TTC34: variants seen among roughly 807,000 people sequenced by gnomAD.
The protein encoded by TTC34 is tetratricopeptide repeat protein 34.
Under a neutral mutation model 40.7 loss-of-function variants are expected in TTC34, and 44 were observed. The observed-to-expected ratio is 1.08, with a 90% CI of 0.85 to 1.39. The LOEUF is 1.39. Among genes scored for constraint, TTC34 ranks in the 40% most tolerant of loss-of-function variants. TTC34 has a pLI of 0.00. For synonymous variants in TTC34, 422 were observed against 398.6 expected, an observed-to-expected ratio of 1.06 and a Z score of -0.70; for missense variants, 884 against 838.0, an observed-to-expected ratio of 1.05 and a Z score of -0.68.
At chr1:2,797,170 C>T (rs948867431) in intron 2 of TTC34, among the ~76,000 whole-genome samples, 1 of 152,228 alleles carries the variant, frequency 6.6e-6, no homozygotes, top group African/African-American at 2.4e-5. Context: ...CCCCGTGTCT[C>T]ATGGGGATGG....
intron 6 of TTC34, among the ~76,000 whole-genome samples, chr1:2,753,759 C>A (rs1410962596): frequency 9.4e-6 from 1 of 105,960 alleles, no homozygotes; most frequent in African/African-American, 5.3e-5. Context: ...CATCTGACAG[C>A]CTGGAACGGC....
chr1:2,645,210 T>A lies in TTC34; in HGVS notation c.2497+83A>T. 7.4e-7 allele frequency: 1 copy of A among 1,353,434 alleles called. No individual in the cohort carries two copies. The highest frequency in any genetic ancestry group is 9.5e-7 in the Non-Finnish European group (1 of 1,050,718). The allele number at this position is 1,353,434 out of a possible 1,614,324, so 83.8% of individuals were successfully genotyped here. Reference sequence around the variant, plus strand: ...TGTGGTCCGGGTCTCTTTCTTCCATTTTTACAGAACAGGATACAGAGGTCA... The same window carrying A: ...TGTGGTCCGGGTCTCTTTCTTCCATATTTACAGAACAGGATACAGAGGTCA... On this transcript the variant is annotated intron_variant, in intron 7 of 8. Coordinates refer to ENST00000401095, the Ensembl canonical transcript of TTC34. This position sits in a 1 kb window ranked among gnomAD's most constrained non-coding sequence, Gnocchi z 4.7.
rs545646675 is a variant in TTC34, at chr1:2,688,611, C to T, written c.2227-43048G>A. Among the ~76,000 whole-genome samples the T allele has an allele frequency of 3.6e-4, 50 of 139,910 alleles. No homozygotes were observed. In the East Asian group the frequency reaches 8.5e-3, roughly 24 times the overall value. 91.8% of individuals were successfully genotyped at this position (139,910 alleles called of 152,430 possible). ...CGACAGCCTGGAGCAGCACCCACACCCCCAGGTGCGCATCTGATGGTCTGG... is the reference window on the plus strand; with the variant it reads ...CGACAGCCTGGAGCAGCACCCACACTCCCAGGTGCGCATCTGATGGTCTGG... On this transcript the variant is annotated intron_variant, in intron 6 of 8. Coordinates refer to ENST00000401095, the Ensembl canonical transcript of TTC34.
At chr1:2,799,124 GGCCTCCCA>G (rs1465155422) in intron 2 of TTC34, among the ~76,000 whole-genome samples, 8 of 69,122 alleles carry the variant, frequency 1.2e-4, no homozygotes, top group South Asian at 5.4e-4. Flanking sequence ...CCGGCCTCCC[GGCCTCCCA>G]GCCTCCCAGC....
At chr1:2,683,553 C>CAGCCTGGAA (rs1640178836) in intron 6 of TTC34, among the ~76,000 whole-genome samples, 1 of 90,640 alleles carries the variant, frequency 1.1e-5, no homozygotes, top group Non-Finnish European at 2.4e-5. Context: ...GCACCCACAA[C>CAGCCTGGAA]CACAGGTGAG....
chr1:2,787,540 C>G (rs1456040415), exon 4 of TTC34: 12 of 1,539,160 alleles, frequency 7.8e-6, no homozygotes, highest in Non-Finnish European at 1.1e-5. Flanking sequence ...CGTGCCAGCA[C>G]AGGGGCTGCC....
At position 2,749,725 on chromosome 1, in the gene TTC34, C is replaced by A. The variant is rs1328062118; in HGVS notation, c.2226+33884G>T. On this transcript the variant is annotated intron_variant, in intron 6 of 8. Coordinates refer to ENST00000401095, the Ensembl canonical transcript of TTC34. ...TGACAGTCTGGAACAGCACGCACAA[C>A]CCCAGGTGAGCATCTGACAGACTGG... Among the ~76,000 whole-genome samples the A allele has an allele frequency of 2.2e-5, 2 of 89,868 alleles. 1 individual carries two copies. The highest frequency in any genetic ancestry group is 4.2e-5 in the Non-Finnish European group (2 of 47,256). 59.0% of individuals were successfully genotyped at this position (89,868 alleles called of 152,430 possible). A position where few individuals can be genotyped will look rare whatever the true frequency, so the allele number is the denominator to read the frequency against.
At chr1:2,789,799 C>T (rs968425230) in exon 3 of TTC34, 11 of 488,256 alleles carry the variant, frequency 2.3e-5, no homozygotes, top group Non-Finnish European at 7.0e-6. Context: ...GCGGCGCCCC[C>T]TGCTCCACTA....
Position 2,753,381 on chromosome 1 carries a change from G to T in TTC34, c.2226+30228C>A, listed in dbSNP as rs1329047220. Among the ~76,000 whole-genome samples the T allele has an allele frequency of 3.7e-4, 48 of 129,440 alleles. 2 individuals carry two copies. Among genetic ancestry groups the T allele is most frequent in the African/African-American group, 1.5e-3 (45 of 30,906 alleles). 84.9% of individuals were successfully genotyped at this position (129,440 alleles called of 152,430 possible). ...GCCTAGAACAGCACCCACACCCCCA[G>T]GCGAGCATCTGACAGCATGTAACAG... On this transcript the variant is annotated intron_variant, in intron 6 of 8. Coordinates refer to ENST00000401095, the Ensembl canonical transcript of TTC34.
rs923635206 is a variant in TTC34 at position 2,800,033 on chromosome 1, C to T, written c.784+11G>A. The T allele has an allele frequency of 2.0e-5, 8 of 398,448 alleles. No homozygotes were observed. The highest frequency in any genetic ancestry group is 4.1e-5 in the African/African-American group (2 of 48,598). 24.7% of individuals were successfully genotyped at this position (398,448 alleles called of 1,614,324 possible). On this transcript the variant is annotated intron_variant, in intron 2 of 8. Coordinates refer to ENST00000401095, the Ensembl canonical transcript of TTC34. ...CACCCTGGCTCTGCAGGGGCCATGC[C>T]GTCCTCCTACCTTGGGGTTCGCTGC...
chr1:2,699,280 A>T (rs1217619664), intron 6 of TTC34, among the ~76,000 whole-genome samples: 1 of 148,710 alleles, frequency 6.7e-6, no homozygotes, highest in African/African-American at 2.5e-5. Flanking sequence ...GTCATGGAGC[A>T]GCACCCACAC....
chr1:2,685,280 C>A (rs1326676248), intron 6 of TTC34, among the ~76,000 whole-genome samples: 7 of 128,556 alleles, frequency 5.4e-5, no homozygotes, highest in Admixed American at 1.6e-4. Context: ...ACCCTGCACC[C>A]CCAGGTGAGC....
At chr1:2,800,763 C>T (rs1643764249) in exon 2 of TTC34, 4 of 399,186 alleles carry the variant, frequency 1.0e-5, no homozygotes, top group South Asian at 1.3e-4. Context: ...GGGCAGCTCC[C>T]CCAGCGCCAG....
chr1:2,773,137 A>G (rs376661521), intron 6 of TTC34, among the ~76,000 whole-genome samples: 2 of 40,838 alleles, frequency 4.9e-5, no homozygotes, highest in African/African-American at 8.9e-5. Context: ...AGCACACACA[A>G]CCCCAGGCGA....
At chr1:2,750,159 A>G (rs1412985164) in intron 6 of TTC34, among the ~76,000 whole-genome samples, 4 of 81,394 alleles carry the variant, frequency 4.9e-5, no homozygotes, top group African/African-American at 1.4e-4. Flanking sequence ...GAGCAGAACA[A>G]ACACCCCCAG....
chr1:2,691,759 T>A (rs201578462), intron 6 of TTC34, among the ~76,000 whole-genome samples: 2 of 86,496 alleles, frequency 2.3e-5, no homozygotes, highest in Non-Finnish European at 2.6e-5. Flanking sequence ...GGCAAGCATC[T>A]GAACGCAAAT....
intron 6 of TTC34, among the ~76,000 whole-genome samples, chr1:2,674,767 G>C (rs1403551457): frequency 2.0e-4 from 14 of 71,016 alleles, no homozygotes; most frequent in Middle Eastern, 7.0e-3. Context: ...ACACTCCCAG[G>C]CGAGCATCCG....
chr1:2,652,759 C>A (rs1236347850), intron 6 of TTC34, among the ~76,000 whole-genome samples: 37 of 147,580 alleles, frequency 2.5e-4, no homozygotes, highest in African/African-American at 8.8e-4. Context: ...TGGAACAGCA[C>A]CCTGCACCCC....
chr1:2,688,282 C>T (rs1490001397), intron 6 of TTC34, among the ~76,000 whole-genome samples: 19 of 142,344 alleles, frequency 1.3e-4, no homozygotes, highest in African/African-American at 5.1e-4. Flanking sequence ...TGGATCAGCA[C>T]CCACACTCCC....
Sources: allele counts gnomAD v4.1 joint callset (sites outside exome capture counted in the v4.1 genomes callset), GRCh38; gene constraint gnomAD v4.1.1; non-coding constraint Gnocchi (gnomAD v3.1); transcripts MANE v1.5; gene names NCBI Gene and HGNC (gene_info 2026-07-23, HGNC 2026-07-21).